Variants in CACNA1E observed in about 807,000 individuals in gnomAD.
CACNA1E encodes the protein voltage-dependent R-type calcium channel subunit alpha-1E.
Under a neutral mutation model 259.2 loss-of-function variants are expected in CACNA1E, and 40 were observed. The observed-to-expected ratio is 0.15, with a 90% CI of 0.12 to 0.20. CACNA1E has a LOEUF of 0.20. Among genes scored for constraint, CACNA1E ranks in the 10% least tolerant of loss-of-function variants. The pLI, the probability that CACNA1E is intolerant of heterozygous loss-of-function variation, is 1.00. For synonymous variants in CACNA1E, 1,104 were observed against 1,138.5 expected, an observed-to-expected ratio of 0.97 and a Z score of 0.61; for missense variants, 1,874 against 3,040.1, an observed-to-expected ratio of 0.62 and a Z score of 9.02.
chr1:181,447,354 C>T (rs138453409), intron 2 of CACNA1E, among the ~76,000 whole-genome samples: 25 of 150,074 alleles, frequency 1.7e-4, no homozygotes, highest in African/African-American at 2.7e-4. Flanking sequence ...AGCAAGACCT[C>T]ATCTCTAAAA....
At chr1:181,757,783 G>C (rs185153747) in intron 30 of CACNA1E, among the ~76,000 whole-genome samples, 164 bp from the exon 31 acceptor site, 1 of 152,048 alleles carries the variant, frequency 6.6e-6, no homozygotes, top group African/African-American at 2.4e-5. Flanking sequence ...TTAAGGTGAC[G>C]CCTTGTCTGT....
At chr1:181,471,791 A>G (rs965771574) in intron 2 of CACNA1E, among the ~76,000 whole-genome samples, 2 of 152,158 alleles carry the variant, frequency 1.3e-5, no homozygotes, top group Non-Finnish European at 2.9e-5. Context: ...GTCCCTGCAA[A>G]TATAACAATA....
chr1:181,455,486 T>G (rs1661404084), intron 2 of CACNA1E, among the ~76,000 whole-genome samples: 1 of 152,170 alleles, frequency 6.6e-6, no homozygotes, highest in Non-Finnish European at 1.5e-5. Flanking sequence ...TTTGGATGCC[T>G]TGTCTTTTTA....
chr1:181,783,591 G>A, intron 39 of CACNA1E, 88 bp from the exon 40 acceptor site: 1 of 721,766 alleles, frequency 1.4e-6, no homozygotes, highest in Admixed American at 2.2e-5. Flanking sequence ...CTGTGCATTT[G>A]ACCTCTACCC....
chr1:181,584,584 G>A (rs936489288), intron 6 of CACNA1E, among the ~76,000 whole-genome samples: 1 of 152,140 alleles, frequency 6.6e-6, no homozygotes, highest in Admixed American at 6.5e-5. Flanking sequence ...TTCACTTTCT[G>A]TCTCATTGAG....
At chr1:181,400,396 T>A (rs111899608) in intron 1 of CACNA1E, among the ~76,000 whole-genome samples, 5,775 of 152,090 alleles carry the variant, frequency 0.038, 351 homozygotes, top group African/African-American at 0.13. Flanking sequence ...GACGTTGGGG[T>A]GGGGCATCTG....
chr1:181,505,476 A>G (rs751277573), intron 1 of CACNA1E, among the ~76,000 whole-genome samples: 4 of 151,954 alleles, frequency 2.6e-5, no homozygotes, highest in Non-Finnish European at 5.9e-5. Flanking sequence ...GGTTCACGCC[A>G]TTCTCCTGCC....
chr1:181,618,399 T>C (rs1275624610), intron 6 of CACNA1E, among the ~76,000 whole-genome samples: 1 of 152,132 alleles, frequency 6.6e-6, no homozygotes, highest in Non-Finnish European at 1.5e-5. Context: ...AGCTTGTCTC[T>C]ACTAAAAAAT....
At position 181,798,907 on chromosome 1, in the gene CACNA1E, C is replaced by G. The variant is rs1009059695; in HGVS notation, c.*73C>G. The G allele has an allele frequency of 5.9e-6, 8 of 1,350,502 alleles. No homozygotes were observed. In the African/African-American group the frequency reaches 1.0e-4, roughly 17 times the overall value. The allele number at this position is 1,350,502 out of a possible 1,614,324, so 83.7% of individuals were successfully genotyped here. A position where few individuals can be genotyped will look rare whatever the true frequency, so the allele number is the denominator to read the frequency against. ...CCAAGACAGAATTGGGAAGCCAGTG[C>G]GGCCCGGGGGGGAGGAAGAGGGAAA... On this transcript the variant is annotated 3_prime_UTR_variant, in exon 48 of 48. Transcript: ENST00000367573. The surrounding 1 kb of genome is among the most constrained non-coding windows in gnomAD (Gnocchi z 4.2).
intron 19 of CACNA1E, 47 bp downstream of exon 19, chr1:181,731,278 G>C (rs746670580): frequency 4.9e-6 from 7 of 1,427,624 alleles, no homozygotes; most frequent in Non-Finnish European, 6.9e-6. Flanking sequence ...ACGTGTGGGC[G>C]TGGGACAATG....
chr1:181,645,447 G>C (rs1211126764), intron 6 of CACNA1E, among the ~76,000 whole-genome samples: 2 of 151,852 alleles, frequency 1.3e-5, no homozygotes, highest in Non-Finnish European at 2.9e-5. Flanking sequence ...TCTTCTTATA[G>C]GTCCCCCACT....
At chr1:181,583,103 T>TACAAC (rs1651705021) in intron 6 of CACNA1E, among the ~76,000 whole-genome samples, 1 of 144,988 alleles carries the variant, frequency 6.9e-6, no homozygotes. Context: ...GGACTGTTCC[T>TACAAC]ACACACACAC....
chr1:181,689,723 G>A (rs1650947523), intron 7 of CACNA1E, among the ~76,000 whole-genome samples: 1 of 152,206 alleles, frequency 6.6e-6, no homozygotes, highest in South Asian at 2.1e-4. Flanking sequence ...TTTATCTAAT[G>A]ACTAGTGATG....
chr1:181,554,080 A>G (rs578071374), intron 3 of CACNA1E, among the ~76,000 whole-genome samples: 3 of 152,234 alleles, frequency 2.0e-5, no homozygotes, highest in South Asian at 4.2e-4. Flanking sequence ...GTGAGATCAC[A>G]GCCCACTGCA....
chr1:181,452,778 C>G (rs1304525397), intron 2 of CACNA1E, among the ~76,000 whole-genome samples: 2 of 152,212 alleles, frequency 1.3e-5, no homozygotes, highest in African/African-American at 4.8e-5. Context: ...CTTTTCTAAC[C>G]CTAACTCTTC....
intron 1 of CACNA1E, among the ~76,000 whole-genome samples, chr1:181,500,311 A>G (rs1056998750): frequency 1.1e-4 from 16 of 152,178 alleles, no homozygotes; most frequent in African/African-American, 2.4e-5. Context: ...GGAACTCACA[A>G]TAAGTGCTGT....
intron 7 of CACNA1E, among the ~76,000 whole-genome samples, chr1:181,710,549 T>G (rs1653246639): frequency 6.6e-6 from 1 of 151,832 alleles, no homozygotes; most frequent in Admixed American, 6.6e-5. Context: ...CAACACATCA[T>G]AATTGGTCAA....
intron 1 of CACNA1E, among the ~76,000 whole-genome samples, chr1:181,367,562 TATA>T (rs1308537536): frequency 6.1e-5 from 9 of 146,566 alleles, no homozygotes; most frequent in South Asian, 2.1e-4. Flanking sequence ...TTTATATAAC[TATA>T]ATATTATAAT....
intron 3 of CACNA1E, among the ~76,000 whole-genome samples, chr1:181,576,252 T>C (rs1443577719): frequency 6.6e-6 from 1 of 152,246 alleles, no homozygotes; most frequent in Non-Finnish European, 1.5e-5. Flanking sequence ...GGAATCTCTA[T>C]TGGTTGTTTA....
Sources: allele counts gnomAD v4.1 joint callset (sites outside exome capture counted in the v4.1 genomes callset), GRCh38; gene constraint gnomAD v4.1.1; non-coding constraint Gnocchi (gnomAD v3.1); transcripts MANE v1.5; gene names NCBI Gene and HGNC (gene_info 2026-07-23, HGNC 2026-07-21).